The following SPIDR variants were observed in gnomAD, a reference collection of about 807,000 sequenced individuals.
SPIDR encodes scaffold protein involved in DNA repair.
SPIDR carries 93 observed loss-of-function variants against 104.6 expected under a neutral mutation model. The observed-to-expected ratio is 0.89, with a 90% CI of 0.75 to 1.06. The LOEUF (loss-of-function observed/expected upper bound fraction) is 1.06. Among genes scored for constraint, SPIDR ranks in the 50% least tolerant of loss-of-function variants. SPIDR has a pLI of 0.00. For missense variants in SPIDR, 1,154 were observed against 1,111.2 expected (o/e 1.04, Z -0.55); for synonymous variants, 431 against 416.9 (o/e 1.03, Z -0.41).
chr8:47,346,142 A>G (rs551263660), intron 5 of SPIDR, among the ~76,000 whole-genome samples: 293 of 152,320 alleles, frequency 1.9e-3, no homozygotes, highest in African/African-American at 6.8e-3. Context: ...CAGTCCATCA[A>G]TACCTAGTTT....
At chr8:47,341,243 T>TA (rs1406780347) in intron 5 of SPIDR, among the ~76,000 whole-genome samples, 1 of 152,250 alleles carries the variant, frequency 6.6e-6, no homozygotes, top group African/African-American at 2.4e-5. Flanking sequence ...TTTCCTGACA[T>TA]ATTTGTCTAT....
chr8:47,496,081 TACTC>T (rs998186890), intron 8 of SPIDR, among the ~76,000 whole-genome samples: 1 of 152,222 alleles, frequency 6.6e-6, no homozygotes, highest in Non-Finnish European at 1.5e-5. Context: ...ACTCATTTAT[TACTC>T]ATAACAGTTT....
intron 11 of SPIDR, among the ~76,000 whole-genome samples, chr8:47,682,366 G>T (rs1237907250): frequency 6.6e-6 from 1 of 152,120 alleles, no homozygotes; most frequent in African/African-American, 2.4e-5. Flanking sequence ...TGGGCTGCCA[G>T]GGCCTGAGAG....
At chr8:47,727,400 C>G in intron 17 of SPIDR, 107 bp downstream of exon 17, 1 of 957,070 alleles carries the variant, frequency 1.0e-6, no homozygotes, top group Non-Finnish European at 1.6e-6. Flanking sequence ...CTCGAGAGCT[C>G]AAGGGGCAAC....
intron 8 of SPIDR, among the ~76,000 whole-genome samples, chr8:47,489,821 C>A (rs1188461925): frequency 1.3e-5 from 2 of 152,148 alleles, no homozygotes; most frequent in African/African-American, 2.4e-5. Flanking sequence ...GAAACTGGAT[C>A]CCTTCCTTAC....
intron 8 of SPIDR, among the ~76,000 whole-genome samples, chr8:47,564,114 C>T (rs1404580343): frequency 8.3e-6 from 1 of 120,332 alleles, no homozygotes; most frequent in Non-Finnish European, 1.6e-5. Flanking sequence ...GAGTCTCGCT[C>T]TGTCACCAGG....
At chr8:47,615,667 C>T (rs1003564735) in intron 10 of SPIDR, among the ~76,000 whole-genome samples, 1 of 151,896 alleles carries the variant, frequency 6.6e-6, no homozygotes, top group South Asian at 2.1e-4. Context: ...CTCCACCATG[C>T]CCGGCTAATT....
At chr8:47,603,540 G>A (rs962210979) in intron 10 of SPIDR, among the ~76,000 whole-genome samples, 2 of 151,110 alleles carry the variant, frequency 1.3e-5, no homozygotes, top group African/African-American at 4.9e-5. Flanking sequence ...CCACAGGCAC[G>A]TGCCACCATA....
At chr8:47,313,519 A>G (rs2044642583) in intron 5 of SPIDR, among the ~76,000 whole-genome samples, 1 of 152,238 alleles carries the variant, frequency 6.6e-6, no homozygotes, top group African/African-American at 2.4e-5. Context: ...TGCCATCCCC[A>G]TCAAGCTACC....
At chr8:47,260,926 A>T, upstream of SPIDR, 1 of 1,223,852 alleles carries the variant, frequency 8.2e-7, no homozygotes, top group Non-Finnish European at 1.0e-6. Flanking sequence ...CGGCGCGCTG[A>T]GGAGGCGGTG....
At chr8:47,345,189 A>G (rs1230252952) in intron 5 of SPIDR, among the ~76,000 whole-genome samples, 81 of 152,336 alleles carry the variant, frequency 5.3e-4, no homozygotes, top group African/African-American at 1.7e-3. Context: ...ATGGCTAGCC[A>G]GTTTTCCCAG....
At chr8:47,499,073 C>T (rs1448516271) in intron 8 of SPIDR, among the ~76,000 whole-genome samples, 1 of 152,016 alleles carries the variant, frequency 6.6e-6, no homozygotes, top group Admixed American at 6.6e-5. Flanking sequence ...CAAAAGAAAC[C>T]ATAAAAACCA....
chr8:47,594,854 G>A (rs887015424), intron 8 of SPIDR, among the ~76,000 whole-genome samples: 10 of 152,046 alleles, frequency 6.6e-5, no homozygotes, highest in Admixed American at 3.9e-4. Context: ...AAAAATACTG[G>A]GCATGGTGAT....
At position 47,602,451 on chromosome 8, in the gene SPIDR, T is replaced by C. The variant is rs572092774; in HGVS notation, c.1544+3255T>C. On this transcript the variant is annotated intron_variant, in intron 10 of 19. Transcript: ENST00000297423. Reference sequence around the variant, plus strand: ...CTTAAAGACAACCTTGATTACTGTGTGTTTTCTGTGAAGTCCAGAAATTAC... The same window carrying C: ...CTTAAAGACAACCTTGATTACTGTGCGTTTTCTGTGAAGTCCAGAAATTAC... Among the ~76,000 whole-genome samples the C allele has an allele frequency of 3.1e-4, 47 of 152,360 alleles. No homozygotes were observed. In the South Asian group the frequency reaches 9.7e-3, roughly 32 times the overall value.
intron 5 of SPIDR, among the ~76,000 whole-genome samples, chr8:47,350,002 T>A (rs1419584505): frequency 6.6e-6 from 1 of 152,340 alleles, no homozygotes. Context: ...CCCAGTGAGA[T>A]GAACCCGGTA....
intron 2 of SPIDR, 128 bp downstream of exon 2, chr8:47,280,145 C>T (rs2037426973): frequency 7.7e-6 from 6 of 784,168 alleles, no homozygotes; most frequent in Admixed American, 3.2e-5. Flanking sequence ...TGGTACACTC[C>T]TTTTCTTGCC....
intron 5 of SPIDR, among the ~76,000 whole-genome samples, chr8:47,383,354 T>C (rs545548234): frequency 6.6e-6 from 1 of 152,370 alleles, no homozygotes; most frequent in South Asian, 2.1e-4. Flanking sequence ...CAACTGACTC[T>C]TTCTCTGAAG....
At chr8:47,653,269 C>T (rs536447487) in intron 10 of SPIDR, among the ~76,000 whole-genome samples, 1 of 152,280 alleles carries the variant, frequency 6.6e-6, no homozygotes, top group Non-Finnish European at 1.5e-5. Context: ...AAACTTGCAT[C>T]CCCAGGCCTG....
intron 7 of SPIDR, among the ~76,000 whole-genome samples, chr8:47,422,644 G>T (rs532293546): frequency 6.6e-6 from 1 of 152,310 alleles, no homozygotes; most frequent in African/African-American, 2.4e-5. Context: ...CATCCCCAGT[G>T]AGGTGAACCC....
Sources: allele counts gnomAD v4.1 joint callset (sites outside exome capture counted in the v4.1 genomes callset), GRCh38; gene constraint gnomAD v4.1.1; transcripts MANE v1.5; gene names NCBI Gene and HGNC (gene_info 2026-07-23, HGNC 2026-07-21).